The following LRIG1 variants were observed in gnomAD, a reference collection of about 807,000 sequenced individuals.
LRIG1 encodes leucine-rich repeats and immunoglobulin-like domains protein 1.
Under a neutral mutation model 99.2 loss-of-function variants are expected in LRIG1, and 48 were observed. The observed-to-expected ratio is 0.48, with a 90% CI of 0.38 to 0.62. The LOEUF is 0.62. Ranked by LOEUF, LRIG1 falls within the 20% of genes least tolerant of loss-of-function variation. The probability of loss-of-function intolerance (pLI) is 0.00; values close to 1 mark genes in which losing one functional copy is unlikely to be tolerated. For synonymous variants in LRIG1, 772 were observed against 596.1 expected, an observed-to-expected ratio of 1.29 and a Z score of -4.30; for missense variants, 1,646 against 1,434.4, an observed-to-expected ratio of 1.15 and a Z score of -2.38.
chr3:66,382,735 G>A (rs1270431941), intron 15 of LRIG1, among the ~76,000 whole-genome samples: 2 of 152,212 alleles, frequency 1.3e-5, no homozygotes, highest in African/African-American at 2.4e-5. Context: ...GAGTTAGCAA[G>A]GAGAGGGAAA....
chr3:66,396,151 C>G (rs897044301), intron 11 of LRIG1, among the ~76,000 whole-genome samples: 1 of 152,210 alleles, frequency 6.6e-6, no homozygotes, highest in African/African-American at 2.4e-5. Context: ...CCACCTCAGA[C>G]AGGAGGCCAG....
Position 66,380,405 on chromosome 3 carries a change from G to A in LRIG1, c.3140C>T (p.Pro1047Leu), listed in dbSNP as rs756618354. The change falls in exon 19 of 19, where the codon CCA (proline) becomes CTA (leucine). Residue 1047 changes from proline to leucine, a missense_variant. Coordinates refer to ENST00000273261, the MANE Select transcript of LRIG1 (RefSeq NM_015541.3). ...QPASSLTSGSPERAEAQYLLV... is the reference protein window; with the variant it reads ...QPASSLTSGSLERAEAQYLLV... ...CAAGTACTGGGCTTCCGCGCGCTCT[G>A]GACTGCCTGAAGTTAATGAAGATGC... is the stretch of plus-strand genomic sequence containing the variant. 7 of 1,614,164 alleles carry A rather than the reference G, an allele frequency of 4.3e-6. No homozygotes were observed. Among genetic ancestry groups the A allele is most frequent in the Middle Eastern group, 1.6e-4 (1 of 6,062 alleles).
At chr3:66,382,471 G>C (rs1185823907) in intron 15 of LRIG1, 73 bp from the exon 16 acceptor site, 1 of 1,558,880 alleles carries the variant, frequency 6.4e-7, no homozygotes, top group African/African-American at 1.4e-5. Context: ...TCACTGTCAA[G>C]CTCAGAAAGG....
chr3:66,470,181 C>T (rs1259015459), intron 1 of LRIG1, among the ~76,000 whole-genome samples: 1 of 152,134 alleles, frequency 6.6e-6, no homozygotes, highest in Non-Finnish European at 1.5e-5. Context: ...CCAAGCATTC[C>T]AATGACCACA....
chr3:66,426,562 C>G (rs1702986787), intron 3 of LRIG1, among the ~76,000 whole-genome samples: 1 of 152,210 alleles, frequency 6.6e-6, no homozygotes, highest in African/African-American at 2.4e-5. Flanking sequence ...ATTGTCCCTC[C>G]AGTGCCCATG....
intron 12 of LRIG1, among the ~76,000 whole-genome samples, chr3:66,391,240 G>C (rs556521011): frequency 6.6e-6 from 1 of 152,284 alleles, no homozygotes; most frequent in African/African-American, 2.4e-5. Context: ...AGCCACTCTG[G>C]AAAACAGTTT....
intron 3 of LRIG1, among the ~76,000 whole-genome samples, chr3:66,420,277 TAAAAC>T (rs923582570): frequency 2.0e-5 from 3 of 152,150 alleles, no homozygotes; most frequent in East Asian, 1.9e-4. Flanking sequence ...TGGCCACTAT[TAAAAC>T]AAAACAAAAC....
At chr3:66,483,890 G>A (rs1021585552) in intron 1 of LRIG1, among the ~76,000 whole-genome samples, 1 of 152,236 alleles carries the variant, frequency 6.6e-6, no homozygotes, top group African/African-American at 2.4e-5. Flanking sequence ...CAGCAGGGAC[G>A]AGGCGCCCGA....
intron 3 of LRIG1, among the ~76,000 whole-genome samples, chr3:66,441,101 ACT>A (rs904844942): frequency 2.0e-5 from 3 of 151,886 alleles, no homozygotes; most frequent in African/African-American, 7.3e-5. Context: ...CCCCAAAGAG[ACT>A]CTACAATAGG....
At position 66,454,134 on chromosome 3, in the gene LRIG1, C is replaced by T. The variant is rs148727317; in HGVS notation, c.291-2501G>A. Among the ~76,000 whole-genome samples, 47 of 152,282 alleles carry T rather than the reference C, an allele frequency of 3.1e-4. No homozygotes were observed. In the East Asian group the frequency reaches 7.3e-3, roughly 24 times the overall value. ...TGACTTACAGGGAGGACACTCAAAGCCCCCAGGAGAGGCCCTGCACAGTGA... is the reference window on the plus strand; with the variant it reads ...TGACTTACAGGGAGGACACTCAAAGTCCCCAGGAGAGGCCCTGCACAGTGA... On this transcript the variant is annotated intron_variant, in intron 2 of 18. Coordinates refer to ENST00000273261, the MANE Select transcript of LRIG1 (RefSeq NM_015541.3).
rs750675702 is a variant in LRIG1 at position 66,405,263 on chromosome 3, G to A, written c.1095C>T (p.Asn365=). 54 of 1,613,922 alleles carry A rather than the reference G, an allele frequency of 3.3e-5. No homozygotes were observed. The Admixed American group carries it at 6.5e-4, about 19-fold the overall frequency. ...RSLRVLDLDH[N]EISGTIEDTS... The stretch of plus-strand genomic sequence containing the variant: ...TGTCCTCTATTGTGCCCGAAATCTC[G>A]TTATGGTCCAGATCCCTGGGGAGAG... The change falls in exon 9 of 19, where the codon AAC becomes AAT. Residue 365 remains asparagine (N), a synonymous_variant. Coordinates refer to ENST00000273261, the MANE Select transcript of LRIG1 (RefSeq NM_015541.3).
At chr3:66,417,309 A>G (rs745758884) in intron 3 of LRIG1, 43 bp from the exon 4 acceptor site, 43 of 1,594,584 alleles carry the variant, frequency 2.7e-5, no homozygotes, top group Non-Finnish European at 3.3e-5. Context: ...CTCTTTTTGC[A>G]AAGTAACTAC....
At chr3:66,430,761 A>G (rs1015618251) in intron 3 of LRIG1, among the ~76,000 whole-genome samples, 1 of 152,068 alleles carries the variant, frequency 6.6e-6, no homozygotes, top group Admixed American at 6.5e-5. Flanking sequence ...TGGGCCAGAG[A>G]TGGACAATGA....
chr3:66,499,414 G>T (rs555955461), intron 1 of LRIG1, among the ~76,000 whole-genome samples: 1 of 152,300 alleles, frequency 6.6e-6, no homozygotes, highest in African/African-American at 2.4e-5. Context: ...AGTCTTGAGG[G>T]TGGGCCCCAC....
Position 66,379,131 on chromosome 3 carries a change from A to G in LRIG1, c.*1132T>C, listed in dbSNP as rs1357557012. 1 of 152,552 alleles carries G rather than the reference A, an allele frequency of 6.6e-6. No individual in the cohort carries two copies. The highest frequency in any genetic ancestry group is 1.9e-4 in the East Asian group (1 of 5,198). 9.4% of individuals were successfully genotyped at this position (152,552 alleles called of 1,614,324 possible). ...GGAACATTTGAAGGACCTTGTTTCTATTTAAGTTTTACTAAATGACACATT... is the reference window on the plus strand; with the variant it reads ...GGAACATTTGAAGGACCTTGTTTCTGTTTAAGTTTTACTAAATGACACATT... On this transcript the variant is annotated 3_prime_UTR_variant, in exon 19 of 19. Coordinates refer to ENST00000273261, the MANE Select transcript of LRIG1 (RefSeq NM_015541.3).
chr3:66,406,081 G>A, intron 8 of LRIG1: 8 of 985,966 alleles, frequency 8.1e-6, no homozygotes, highest in Non-Finnish European at 9.6e-6. Context: ...ACAGGCCAGG[G>A]AGAGAAAAGG....
At chr3:66,480,977 C>T (rs912116736) in intron 1 of LRIG1, among the ~76,000 whole-genome samples, 1 of 152,088 alleles carries the variant, frequency 6.6e-6, no homozygotes, top group African/African-American at 2.4e-5. Context: ...CTGGAAAGTC[C>T]CTCCAGAGTA....
At chr3:66,456,574 A>T (rs1231768788) in intron 2 of LRIG1, among the ~76,000 whole-genome samples, 1 of 78,242 alleles carries the variant, frequency 1.3e-5, no homozygotes, top group African/African-American at 4.0e-5. Context: ...TCCTGTCTTA[A>T]AAAAAAAAAA....
intron 3 of LRIG1, among the ~76,000 whole-genome samples, chr3:66,440,051 G>T (rs1703490087): frequency 6.6e-6 from 1 of 152,108 alleles, no homozygotes; most frequent in Admixed American, 6.6e-5. Flanking sequence ...GGAGGTGGGG[G>T]AGCCTGGGTA....
Sources: allele counts gnomAD v4.1 joint callset (sites outside exome capture counted in the v4.1 genomes callset), GRCh38; gene constraint gnomAD v4.1.1; transcripts MANE v1.5; gene names NCBI Gene and HGNC (gene_info 2026-07-23, HGNC 2026-07-21).